ZNF277: variants seen among roughly 807,000 people sequenced by gnomAD.
The protein encoded by ZNF277 is nuclear receptor-interacting factor 4.
Under a neutral mutation model 60.7 loss-of-function variants are expected in ZNF277, and 55 were observed. The ratio of observed to expected loss-of-function variants is 0.91; its 90% CI spans 0.73 to 1.13. The LOEUF is 1.13. ZNF277 is among the 50% of genes most tolerant of loss of function. The pLI is 0.00. For synonymous variants in ZNF277, 178 were observed against 179.3 expected, an observed-to-expected ratio of 0.99 and a Z score of 0.06; for missense variants, 510 against 523.0, an observed-to-expected ratio of 0.98 and a Z score of 0.24.
chr7:112,237,115 G>A (rs1790815822), intron 1 of ZNF277, among the ~76,000 whole-genome samples: 1 of 152,006 alleles, frequency 6.6e-6, no homozygotes, highest in East Asian at 1.9e-4. Context: ...GAATTAAACA[G>A]CCTGTTCCTG....
At chr7:112,216,087 TGA>T (rs1272212671) in intron 1 of ZNF277, among the ~76,000 whole-genome samples, 1 of 152,166 alleles carries the variant, frequency 6.6e-6, no homozygotes, top group East Asian at 1.9e-4. Flanking sequence ...GAAAGGAAGG[TGA>T]GAGTCTGCGG....
intron 1 of ZNF277, among the ~76,000 whole-genome samples, chr7:112,207,817 C>T (rs1587071505): frequency 6.6e-6 from 1 of 152,112 alleles, no homozygotes; most frequent in Non-Finnish European, 1.5e-5. Context: ...TTTACCTCAG[C>T]GGCACAGAGT....
rs201925000 is a variant in ZNF277 at position 112,327,780 on chromosome 7, T to G, written c.621T>G (p.Ile207Met). 1.5e-5 allele frequency: 24 copies of G among 1,612,394 alleles called. No homozygotes were observed. In the East Asian group the frequency reaches 5.1e-4, roughly 35 times the overall value. ...TCAACATTGGATTGCCAGACAACAT[T>G]GTAAACTGCAATGAATTTTTGTGTA... ...HAFNIGLPDN[I>M]VNCNEFLCTL... The change falls in exon 6 of 12, where the codon ATT becomes ATG. Residue 207 changes from isoleucine to methionine, a missense_variant. Ile to Met is a conservative substitution (Grantham distance 10). Transcript: ENST00000361822.
chr7:112,281,844 T>A (rs1340924766), intron 1 of ZNF277, among the ~76,000 whole-genome samples: 1 of 152,238 alleles, frequency 6.6e-6, no homozygotes, highest in Non-Finnish European at 1.5e-5. Context: ...ATTTATTTTT[T>A]TCTTTCAAGA....
intron 7 of ZNF277, among the ~76,000 whole-genome samples, chr7:112,330,627 C>T (rs960815411): frequency 7.6e-5 from 11 of 145,166 alleles, no homozygotes; most frequent in African/African-American, 2.3e-4. Context: ...TGCAGTGGCA[C>T]GATCTCGGCT....
At chr7:112,315,262 A>G (rs1792818806) in intron 4 of ZNF277, among the ~76,000 whole-genome samples, 1 of 152,090 alleles carries the variant, frequency 6.6e-6, no homozygotes, top group South Asian at 2.1e-4. Context: ...GAATTTGATG[A>G]TCTGTTTTTC....
Position 112,206,796 on chromosome 7 carries a change from T to A in ZNF277, c.80T>A (p.Val27Glu), listed in dbSNP as rs1257253494. ...RDGSCSTVGG[V>E]GYGDSKDCIL... ...GGGAGCTGCAGCACAGTCGGGGGTG[T>A]AGGTTATGGGGGTGAGTACGGTGCC... The change falls in exon 1 of 12, where the codon GTA becomes GAA. Residue 27 changes from valine to glutamate, a missense_variant. Coordinates refer to ENST00000361822, the MANE Select transcript of ZNF277 (RefSeq NM_021994.3). 1.2e-6 allele frequency: 2 copies of A among 1,612,684 alleles called. No homozygotes were observed. The highest frequency in any genetic ancestry group is 1.7e-6 in the Non-Finnish European group (2 of 1,179,522).
intron 2 of ZNF277, chr7:112,288,658 C>G (rs1792126124): frequency 6.4e-6 from 1 of 155,238 alleles, no homozygotes; most frequent in Non-Finnish European, 1.5e-5. Context: ...CATCTGTCAC[C>G]CCATTAATCG....
intron 1 of ZNF277, among the ~76,000 whole-genome samples, chr7:112,269,817 T>C (rs1791629666): frequency 6.6e-6 from 1 of 152,124 alleles, no homozygotes; most frequent in African/African-American, 2.4e-5. Context: ...AGCTGAGCTG[T>C]ATTATCAGAC....
intron 1 of ZNF277, among the ~76,000 whole-genome samples, chr7:112,243,721 A>G (rs1489776003): frequency 6.6e-6 from 1 of 151,970 alleles, no homozygotes; most frequent in Admixed American, 6.6e-5. Flanking sequence ...GTAAACTAGT[A>G]CAACCATTAT....
At chr7:112,303,153 G>A (rs1326947729) in intron 4 of ZNF277, among the ~76,000 whole-genome samples, 1 of 151,916 alleles carries the variant, frequency 6.6e-6, no homozygotes, top group East Asian at 1.9e-4. Context: ...GTTTAACCAT[G>A]TTGGCCAGGC....
chr7:112,235,516 T>C (rs1822465794), intron 1 of ZNF277, among the ~76,000 whole-genome samples: 2 of 152,138 alleles, frequency 1.3e-5, no homozygotes, highest in Non-Finnish European at 2.9e-5. Context: ...ACTAATGATA[T>C]TAAGCATCTT....
intron 1 of ZNF277, among the ~76,000 whole-genome samples, chr7:112,219,811 A>T (rs139722986): frequency 6.6e-6 from 1 of 152,124 alleles, no homozygotes; most frequent in Non-Finnish European, 1.5e-5. Context: ...AAATTTTAAA[A>T]TTTTTTGTAG....
chr7:112,341,174 A>T, intron 11 of ZNF277, 128 bp downstream of exon 11: 1 of 777,526 alleles, frequency 1.3e-6, no homozygotes, highest in Non-Finnish European at 1.8e-6. Flanking sequence ...ACATCAGTAC[A>T]GTGTGGGGAA....
chr7:112,275,218 A>G (rs968457277), intron 1 of ZNF277, among the ~76,000 whole-genome samples: 1 of 152,152 alleles, frequency 6.6e-6, no homozygotes, highest in Admixed American at 6.5e-5. Flanking sequence ...TTTAGTTCCT[A>G]TTAGTATCTG....
intron 4 of ZNF277, among the ~76,000 whole-genome samples, chr7:112,308,378 G>C (rs539500434): frequency 6.6e-6 from 1 of 151,930 alleles, no homozygotes; most frequent in African/African-American, 2.4e-5. Context: ...TTAGCCAGGC[G>C]TCATGGCACA....
intron 1 of ZNF277, among the ~76,000 whole-genome samples, chr7:112,280,222 A>G (rs990848738): frequency 5.9e-5 from 9 of 151,912 alleles, no homozygotes; most frequent in African/African-American, 1.9e-4. Flanking sequence ...CATTACACCT[A>G]CTGAATCAGG....
intron 1 of ZNF277, among the ~76,000 whole-genome samples, chr7:112,263,900 T>G (rs941484888): frequency 1.3e-5 from 2 of 152,124 alleles, no homozygotes; most frequent in African/African-American, 4.8e-5. Flanking sequence ...GTTCTCAGGC[T>G]TCATGAAAGT....
chr7:112,244,288 A>G (rs1410465790), intron 1 of ZNF277, among the ~76,000 whole-genome samples: 1 of 152,184 alleles, frequency 6.6e-6, no homozygotes, highest in East Asian at 1.9e-4. Flanking sequence ...TAAAGTAAGA[A>G]ATATGTATAC....
Sources: allele counts gnomAD v4.1 joint callset (sites outside exome capture counted in the v4.1 genomes callset), GRCh38; gene constraint gnomAD v4.1.1; transcripts MANE v1.5; gene names NCBI Gene and HGNC (gene_info 2026-07-23, HGNC 2026-07-21).